NYAP2: variants seen among roughly 807,000 people sequenced by gnomAD.
NYAP2 encodes neuronal tyrosine-phosphorylated phosphoinositide-3-kinase adaptor 2.
In NYAP2, 23 loss-of-function variants were observed where a neutral mutation model predicts 50.4. The ratio of observed to expected loss-of-function variants is 0.46; its 90% confidence interval spans 0.33 to 0.65. The LOEUF (loss-of-function observed/expected upper bound fraction) is 0.65. Ranked by LOEUF, NYAP2 falls within the 30% of genes least tolerant of loss-of-function variation. NYAP2 has a pLI of 0.02. For missense variants in NYAP2, 885 were observed against 861.0 expected, an observed-to-expected ratio of 1.03 and a Z score of -0.35; for synonymous variants, 394 against 365.2, an observed-to-expected ratio of 1.08 and a Z score of -0.90.
intron 5 of NYAP2, among the ~76,000 whole-genome samples, chr2:225,621,044 G>A (rs1693094264): frequency 6.6e-6 from 1 of 151,476 alleles, no homozygotes; most frequent in African/African-American, 2.4e-5. Flanking sequence ...AACCCGGGAG[G>A]CGGAGCTTGC....
At chr2:225,542,302 A>G (rs1121477) in intron 4 of NYAP2, among the ~76,000 whole-genome samples, 32,561 of 152,006 alleles carry the variant, frequency 0.21, 3,484 homozygotes, top group African/African-American at 0.23. Flanking sequence ...TTCCAGGACT[A>G]TGTTGAATAA....
At chr2:225,455,684 A>C (rs1689728519) in intron 3 of NYAP2, among the ~76,000 whole-genome samples, 1 of 152,216 alleles carries the variant, frequency 6.6e-6, no homozygotes, top group South Asian at 2.1e-4. Context: ...TGTTATGAAG[A>C]ATATGGAATA....
chr2:225,594,077 CG>C (rs1385822824), intron 5 of NYAP2, among the ~76,000 whole-genome samples: 2 of 151,954 alleles, frequency 1.3e-5, no homozygotes, highest in Non-Finnish European at 2.9e-5. Context: ...TCATCGGTTT[CG>C]GTACAAATGA....
At chr2:225,627,255 C>G in intron 6 of NYAP2, 129 bp downstream of exon 6, 1 of 710,960 alleles carries the variant, frequency 1.4e-6, no homozygotes, top group Non-Finnish European at 2.5e-6. Flanking sequence ...CACAAGTAAC[C>G]ATTCACGTAG....
intron 5 of NYAP2, among the ~76,000 whole-genome samples, chr2:225,608,702 C>G (rs1692830995): frequency 6.6e-6 from 1 of 152,034 alleles, no homozygotes; most frequent in Non-Finnish European, 1.5e-5. Context: ...TTCTACGTGT[C>G]TCTACCACAC....
intron 4 of NYAP2, among the ~76,000 whole-genome samples, chr2:225,560,666 A>G (rs1467328594): frequency 6.6e-6 from 1 of 152,088 alleles, no homozygotes; most frequent in Non-Finnish European, 1.5e-5. Flanking sequence ...CAATTGGAAC[A>G]GAAACTCTGG....
At chr2:225,574,256 G>A (rs1007416782) in intron 4 of NYAP2, among the ~76,000 whole-genome samples, 9 of 152,138 alleles carry the variant, frequency 5.9e-5, no homozygotes, top group Admixed American at 5.2e-4. Context: ...CAGGTCAGGG[G>A]CAGGTAAAGT....
At chr2:225,544,772 A>T (rs1407025730) in intron 4 of NYAP2, among the ~76,000 whole-genome samples, 1 of 152,080 alleles carries the variant, frequency 6.6e-6, no homozygotes, top group Non-Finnish European at 1.5e-5. Context: ...TACTATTACC[A>T]GTTAGTTTTT....
intron 5 of NYAP2, among the ~76,000 whole-genome samples, chr2:225,590,060 C>T (rs992367258): frequency 9.8e-5 from 15 of 152,336 alleles, no homozygotes; most frequent in African/African-American, 3.4e-4. Flanking sequence ...CCTGAAGCCA[C>T]CTCAGAGGAT....
At chr2:225,496,872 T>G (rs1196838056) in intron 3 of NYAP2, among the ~76,000 whole-genome samples, 1 of 152,220 alleles carries the variant, frequency 6.6e-6, no homozygotes, top group East Asian at 1.9e-4. Context: ...TGATAAATAC[T>G]ATAATGAGAC....
chr2:225,536,424 A>C (rs1387359077), intron 4 of NYAP2, among the ~76,000 whole-genome samples: 3 of 152,142 alleles, frequency 2.0e-5, no homozygotes, highest in Admixed American at 2.0e-4. Flanking sequence ...CCTTCAAACT[A>C]GGCATTGCTA....
chr2:225,678,350 T>G, the NYAP2 span, among the ~76,000 whole-genome samples: 2 of 152,172 alleles, frequency 1.3e-5, no homozygotes, highest in Non-Finnish European at 2.9e-5. Context: ...ATTTATTTAT[T>G]CTTTTGAAGA....
chr2:225,450,511 A>G (rs553474806), intron 3 of NYAP2, among the ~76,000 whole-genome samples: 1 of 152,182 alleles, frequency 6.6e-6, no homozygotes, highest in Non-Finnish European at 1.5e-5. Context: ...AGTGGTGAAC[A>G]AAACACACTT....
chr2:225,486,516 G>A (rs1690301042), intron 3 of NYAP2, among the ~76,000 whole-genome samples: 1 of 152,160 alleles, frequency 6.6e-6, no homozygotes. Flanking sequence ...TGCTGAGCTG[G>A]GCTTATGGTA....
exon 5 of NYAP2, chr2:225,581,970 G>A: frequency 1.2e-6 from 2 of 1,610,054 alleles, no homozygotes; most frequent in Non-Finnish European, 1.7e-6. Context: ...CCACAGCGAT[G>A]AATATTCCAA....
At chr2:225,433,881 G>C (rs1035564256) in intron 3 of NYAP2, among the ~76,000 whole-genome samples, 3 of 150,762 alleles carry the variant, frequency 2.0e-5, no homozygotes, top group South Asian at 2.1e-4. Context: ...AAAACATCAG[G>C]TGTTTCATTA....
chr2:225,513,314 T>A, intron 3 of NYAP2, 57 bp from the exon 4 acceptor site: 1 of 1,508,240 alleles, frequency 6.6e-7, no homozygotes, highest in Non-Finnish European at 9.2e-7. Flanking sequence ...ACATGTATGA[T>A]CTTGTATATC....
At chr2:225,533,455 G>A (rs1474377916) in intron 4 of NYAP2, among the ~76,000 whole-genome samples, 1 of 152,212 alleles carries the variant, frequency 6.6e-6, no homozygotes, top group African/African-American at 2.4e-5. Context: ...GGAAGGCTAA[G>A]GCGGGTGGAG....
chr2:225,526,926 A>G (rs1263658144), intron 4 of NYAP2, among the ~76,000 whole-genome samples: 2 of 152,144 alleles, frequency 1.3e-5, no homozygotes, highest in East Asian at 3.9e-4. Context: ...TCCTAGTGTA[A>G]GACCCATCTG....
Sources: allele counts gnomAD v4.1 joint callset (sites outside exome capture counted in the v4.1 genomes callset), GRCh38; gene constraint gnomAD v4.1.1; transcripts MANE v1.5; gene names NCBI Gene and HGNC (gene_info 2026-07-23, HGNC 2026-07-21).